Variants in MGAT5B observed in about 807,000 individuals in gnomAD.
MGAT5B encodes N-acetylglucosaminyl-transferase Vb.
Under a neutral mutation model 95.1 loss-of-function variants are expected in MGAT5B, and 54 were observed. The observed-to-expected ratio is 0.57, with a 90% confidence interval of 0.46 to 0.71. The LOEUF (loss-of-function observed/expected upper bound fraction) is 0.71. MGAT5B is among the 30% of genes least tolerant of loss of function. The probability of loss-of-function intolerance (pLI) is 0.00; values close to 1 mark genes in which losing one functional copy is unlikely to be tolerated. For synonymous variants in MGAT5B, 464 were observed against 451.0 expected (o/e 1.03, Z -0.36); for missense variants, 935 against 1,088.6 (o/e 0.86, Z 1.99).
intron 15 of MGAT5B, among the ~76,000 whole-genome samples, chr17:76,946,087 C>T (rs1970019217): frequency 6.8e-6 from 1 of 146,876 alleles, no homozygotes; most frequent in South Asian, 2.1e-4. Context: ...GGACACAGCG[C>T]TGAGCTTTAT....
At chr17:76,887,265 C>T (rs1436318570) in intron 3 of MGAT5B, among the ~76,000 whole-genome samples, 1 of 152,006 alleles carries the variant, frequency 6.6e-6, no homozygotes, top group African/African-American at 2.4e-5. Context: ...TGCCATGGCT[C>T]GGACCCCAAC....
At chr17:76,910,330 G>C (rs1216469424) in intron 8 of MGAT5B, among the ~76,000 whole-genome samples, 1 of 152,244 alleles carries the variant, frequency 6.6e-6, no homozygotes, top group Non-Finnish European at 1.5e-5. Context: ...CATCGATGCT[G>C]TCTGTGGAGC....
chr17:76,876,172 G>A (rs981851702), intron 2 of MGAT5B, among the ~76,000 whole-genome samples: 2 of 152,134 alleles, frequency 1.3e-5, no homozygotes, highest in Admixed American at 6.5e-5. Flanking sequence ...TGCAAGAGAA[G>A]CCCCTCAAAC....
At position 76,912,152 on chromosome 17, in the gene MGAT5B, C is replaced by T. The variant is rs773409722; in HGVS notation, c.1025+5965C>T. Among the ~76,000 whole-genome samples the T allele has an allele frequency of 2.7e-4, 41 of 152,170 alleles. No homozygotes were observed. Among genetic ancestry groups the T allele is most frequent in the Non-Finnish European group, 5.1e-4 (35 of 68,020 alleles). On this transcript the variant is annotated intron_variant, in intron 8 of 17. Transcript: ENST00000569840. This position sits in a 1 kb window ranked among gnomAD's most constrained non-coding sequence, Gnocchi z 5.0. ...TAATGCCCTCACGTTAACTCCATTA[C>T]CTCTGTAAGGACCCCAACTCCAAAT...
rs756674971 is a variant in MGAT5B at position 76,869,694 on chromosome 17, C to T, written c.68+597C>T. Among the ~76,000 whole-genome samples, 17 of 152,238 alleles carry T rather than the reference C, an allele frequency of 1.1e-4. No homozygotes were observed. The highest frequency in any genetic ancestry group is 1.9e-4 in the Non-Finnish European group (13 of 68,036). The stretch of plus-strand genomic sequence containing the variant: ...CCCAGGATTCGCCCCCGATCGCAGG[C>T]GTCGGAGAGGCGGGGGCAGGGGCGG... On this transcript the variant is annotated intron_variant, in intron 1 of 17. Coordinates refer to ENST00000569840, the MANE Select transcript of MGAT5B (RefSeq NM_001199172.2). This position sits in a 1 kb window ranked among gnomAD's most constrained non-coding sequence, Gnocchi z 7.0.
Position 76,868,637 on chromosome 17 carries a change from C to G in MGAT5B, c.-393C>G, listed in dbSNP as rs1028376071. 6 of 147,668 alleles carry G rather than the reference C, an allele frequency of 4.1e-5. No homozygotes were observed. Among genetic ancestry groups the G allele is most frequent in the Non-Finnish European group, 6.0e-5 (4 of 66,276 alleles). The allele number at this position is 147,668 out of a possible 1,614,324, so 9.1% of individuals were successfully genotyped here. Reference sequence around the variant, plus strand: ...GGCCCGGGGCCGCCTTTAGCCGGCACCGAGGGCGCGGGGCCGGGGATGAGG... The same window carrying G: ...GGCCCGGGGCCGCCTTTAGCCGGCAGCGAGGGCGCGGGGCCGGGGATGAGG... On this transcript the variant is annotated 5_prime_UTR_variant, in exon 1 of 18. Transcript: ENST00000569840. The surrounding 1 kb of genome is among the most constrained non-coding windows in gnomAD (Gnocchi z 6.3).
Position 76,889,681 on chromosome 17 carries a change from AAAT to A in MGAT5B, c.329+7392_329+7394del, listed in dbSNP as rs145042179. On this transcript the variant is annotated intron_variant, in intron 3 of 17. Coordinates refer to ENST00000569840, the MANE Select transcript of MGAT5B (RefSeq NM_001199172.2). The surrounding 1 kb of genome is among the most constrained non-coding windows in gnomAD (Gnocchi z 4.4). Reference sequence around the variant, plus strand: ...GATGATAATAATCAATGACAATAGCAAATAATAATAACAGCCACCCTCTATTGG... The same window carrying A: ...GATGATAATAATCAATGACAATAGCAAATAATAACAGCCACCCTCTATTGG... 0.1 allele frequency among the ~76,000 whole-genome samples: 15,811 copies of A among 152,172 alleles called. 1,104 individuals are homozygous for A. Among genetic ancestry groups the A allele is most frequent in the African/African-American group, 0.2 (8,152 of 41,478 alleles).
At position 76,902,621 on chromosome 17, in the gene MGAT5B, T is replaced by C. The variant is rs754946030; in HGVS notation, c.396T>C (p.Ala132=). ...QAIAQNVSDI[A]VKVDQILRHS... is the part of the protein sequence containing the mutation. The stretch of plus-strand genomic sequence containing the variant: ...TTGCCCAGAACGTCTCCGACATCGC[T>C]GTGAAGGTGGACCAGATCCTGCGCC... Residue 132 remains alanine (A), a synonymous_variant, in exon 4 of 18, where the codon GCT becomes GCC. Transcript: ENST00000569840. 70 of 1,603,650 alleles carry C rather than the reference T, an allele frequency of 4.4e-5. No individual in the cohort carries two copies. The highest frequency in any genetic ancestry group is 5.3e-5 in the Non-Finnish European group (62 of 1,175,010).
intron 2 of MGAT5B, among the ~76,000 whole-genome samples, chr17:76,878,981 TGGAGTCCA>T (rs141801359): frequency 0.068 from 10,305 of 152,148 alleles, 371 homozygotes; most frequent in Non-Finnish European, 0.069. Flanking sequence ...AGAGCGGGCC[TGGAGTCCA>T]GGCTTCTGCC....
At chr17:76,943,643 G>A (rs985947158) in intron 15 of MGAT5B, among the ~76,000 whole-genome samples, 19 of 149,614 alleles carry the variant, frequency 1.3e-4, no homozygotes, top group Admixed American at 4.6e-4. Flanking sequence ...GTCTCATTTT[G>A]TTGCCCAGGC....
At position 76,924,846 on chromosome 17, in the gene MGAT5B, TGA is replaced by T. The variant is rs949597881; in HGVS notation, c.1026-116_1026-115del. ...AGGGCCATCCTGCTCACTTCCTTTCTGAGAGTCTGTGCTAAGCTCTCTGCACT... is the reference window on the plus strand; with the variant it reads ...AGGGCCATCCTGCTCACTTCCTTTCTGAGTCTGTGCTAAGCTCTCTGCACT... On this transcript the variant is annotated intron_variant, in intron 8 of 17. Coordinates refer to ENST00000569840, the MANE Select transcript of MGAT5B (RefSeq NM_001199172.2). 35 of 1,280,778 alleles carry T rather than the reference TGA, an allele frequency of 2.7e-5. No individual in the cohort carries two copies. In the African/African-American group the frequency reaches 4.0e-4, roughly 15 times the overall value. The allele number at this position is 1,280,778 out of a possible 1,614,324, so 79.3% of individuals were successfully genotyped here.
intron 8 of MGAT5B, among the ~76,000 whole-genome samples, chr17:76,924,750 C>T (rs1969243234): frequency 6.6e-6 from 1 of 152,188 alleles, no homozygotes; most frequent in Non-Finnish European, 1.5e-5. Context: ...GCACGGGAGC[C>T]CACGCTGACC....
At position 76,933,308 on chromosome 17, in the gene MGAT5B, C is replaced by G; in HGVS notation, c.1428+11C>G. Reference sequence around the variant, plus strand: ...ACGAGGCAGCTCCAGGTATGGAAACCGCTTGCCGCCTGCCCCCTCTACCCT... The same window carrying G: ...ACGAGGCAGCTCCAGGTATGGAAACGGCTTGCCGCCTGCCCCCTCTACCCT... On this transcript the variant is annotated intron_variant, in intron 12 of 17. Coordinates refer to ENST00000569840, the MANE Select transcript of MGAT5B (RefSeq NM_001199172.2). 6.3e-7 allele frequency: 1 copy of G among 1,598,260 alleles called. No homozygotes were observed. Among genetic ancestry groups the G allele is most frequent in the Non-Finnish European group, 8.5e-7 (1 of 1,179,730 alleles).
In MGAT5B at chr17:76,950,028, G is replaced by C. The variant is rs1433042603; in HGVS notation, c.*1190G>C. 6.8e-6 allele frequency: 1 copy of C among 147,452 alleles called. No homozygotes were observed. The highest frequency in any genetic ancestry group is 1.5e-5 in the Non-Finnish European group (1 of 66,950). 9.1% of individuals were successfully genotyped at this position (147,452 alleles called of 1,614,324 possible). On this transcript the variant is annotated 3_prime_UTR_variant, in exon 18 of 18. Transcript: ENST00000569840. ...CCCCTTTCCCTCCCCCCCATGCCCA[G>C]AGCCCCGCCTGCCTCAGCGGGTCAG...
In MGAT5B at chr17:76,925,001, C is replaced by T. The variant is rs1440355261; in HGVS notation, c.1061C>T (p.Pro354Leu). The change falls in exon 9 of 18, where the codon CCG becomes CTG. Residue 354 changes from proline (P) to leucine (L), a missense_variant. Around this residue, in one of 4 missense-constraint regions of MGAT5B, gnomAD observed 243 missense variants for 305.5 expected, o/e 0.80. Transcript: ENST00000569840. ...GTACCGCCAGGCCGGGGAAGCTGCC[C>T]GCTCACCATGCCCCTGCCCTTCGAC... ...LGVPPGRGSC[P>L]LTMPLPFDLI... 7 of 1,611,898 alleles carry T rather than the reference C, an allele frequency of 4.3e-6. No individual in the cohort carries two copies. Among genetic ancestry groups the T allele is most frequent in the Admixed American group, 3.3e-5 (2 of 59,938 alleles).
chr17:76,932,840 G>C, intron 11 of MGAT5B, 65 bp downstream of exon 11: 1 of 1,579,070 alleles, frequency 6.3e-7, no homozygotes, highest in South Asian at 1.2e-5. Context: ...CCTGGGTCCC[G>C]CATCTCCTCC....
chr17:76,875,570 G>T (rs1967156197), intron 2 of MGAT5B, among the ~76,000 whole-genome samples: 1 of 150,988 alleles, frequency 6.6e-6, no homozygotes, highest in Non-Finnish European at 1.5e-5. Context: ...AACTAATAGA[G>T]GAGTAGTCTT....
In MGAT5B at chr17:76,940,727, G is replaced by T. The variant is rs1466948864; in HGVS notation, c.1732-5G>T. 6.2e-7 allele frequency: 1 copy of T among 1,613,908 alleles called. No individual in the cohort carries two copies. The highest frequency in any genetic ancestry group is 8.5e-7 in the Non-Finnish European group (1 of 1,179,906). Reference sequence around the variant, plus strand: ...GGGCATCTGCAATCTCTGTACCCTTGCCAGGTGTTCTCCCAGCATCCCTAC... The same window carrying T: ...GGGCATCTGCAATCTCTGTACCCTTTCCAGGTGTTCTCCCAGCATCCCTAC... On this transcript the variant is annotated splice_region_variant and splice_polypyrimidine_tract_variant and intron_variant, in intron 14 of 17. Coordinates refer to ENST00000569840, the MANE Select transcript of MGAT5B (RefSeq NM_001199172.2). The surrounding 1 kb of genome is among the most constrained non-coding windows in gnomAD (Gnocchi z 4.3).
Position 76,906,736 on chromosome 17 carries a change from G to C in MGAT5B, c.1025+549G>C, listed in dbSNP as rs955795795. On this transcript the variant is annotated intron_variant, in intron 8 of 17. Coordinates refer to ENST00000569840, the MANE Select transcript of MGAT5B (RefSeq NM_001199172.2). This position sits in a 1 kb window ranked among gnomAD's most constrained non-coding sequence, Gnocchi z 4.6. ...CCCTGAGTGTTTGAGGGTAGGATGG[G>C]GGTGAGGCTGAGAGTGTGGGGATGT... Among the ~76,000 whole-genome samples the C allele has an allele frequency of 6.6e-6, 1 of 152,112 alleles. No homozygotes were observed. Among genetic ancestry groups the C allele is most frequent in the Non-Finnish European group, 1.5e-5 (1 of 68,016 alleles).
Sources: allele counts gnomAD v4.1 joint callset (sites outside exome capture counted in the v4.1 genomes callset), GRCh38; gene constraint gnomAD v4.1.1; regional missense constraint gnomAD v4.1.1; non-coding constraint Gnocchi (gnomAD v3.1); transcripts MANE v1.5; gene names NCBI Gene and HGNC (gene_info 2026-07-23, HGNC 2026-07-21).